The following DNAH12 variants were observed in gnomAD, a reference collection of about 807,000 sequenced individuals.
The protein encoded by DNAH12 is dynein axonemal heavy chain 12.
Under a neutral mutation model 371.5 loss-of-function variants are expected in DNAH12, and 285 were observed. That is an observed-to-expected ratio of 0.77 (90% CI 0.70 to 0.85). DNAH12 has a LOEUF of 0.85. DNAH12 is among the 40% of genes least tolerant of loss of function. DNAH12 has a pLI of 0.00. For synonymous variants in DNAH12, 1,200 were observed against 1,213.0 expected, an observed-to-expected ratio of 0.99 and a Z score of 0.22; for missense variants, 3,611 against 3,689.4, an observed-to-expected ratio of 0.98 and a Z score of 0.55.
Position 57,446,709 on chromosome 3 carries a change from T to C in DNAH12, c.3787-20A>G. ...ACCTATCTGAAATGAAAAACACATG[T>C]GAAAAGAAATCCATGCTTAAATTTA... On this transcript the variant is annotated intron_variant, in intron 25 of 73. Transcript: ENST00000495027. 6.8e-7 allele frequency: 1 copy of C among 1,471,788 alleles called. No homozygotes were observed. The highest frequency in any genetic ancestry group is 9.0e-7 in the Non-Finnish European group (1 of 1,105,160). 91.2% of individuals were successfully genotyped at this position (1,471,788 alleles called of 1,614,324 possible).
chr3:57,513,264 G>T (rs1369679050), intron 4 of DNAH12, among the ~76,000 whole-genome samples: 1 of 152,054 alleles, frequency 6.6e-6, no homozygotes, highest in Non-Finnish European at 1.5e-5. Flanking sequence ...AACTAACATA[G>T]AAATGGAAAA....
chr3:57,399,813 T>C (rs1422210060), intron 43 of DNAH12, among the ~76,000 whole-genome samples: 3 of 152,222 alleles, frequency 2.0e-5, no homozygotes, highest in Non-Finnish European at 4.4e-5. Context: ...TAATGAATAG[T>C]CAATATATGT....
At chr3:57,350,682 CA>C (rs1385994358) in intron 60 of DNAH12, among the ~76,000 whole-genome samples, 2 of 152,218 alleles carry the variant, frequency 1.3e-5, no homozygotes, top group African/African-American at 4.8e-5. Flanking sequence ...TTGTGCTCAG[CA>C]AAAGGCAGCA....
intron 11 of DNAH12, among the ~76,000 whole-genome samples, chr3:57,492,292 C>A (rs544783556): frequency 6.6e-6 from 1 of 152,138 alleles, no homozygotes; most frequent in East Asian, 1.9e-4. Context: ...GCAACCGTGT[C>A]TCTACTAAAA....
At chr3:57,433,174 C>CAAA (rs11395980) in intron 32 of DNAH12, among the ~76,000 whole-genome samples, 193 bp downstream of exon 32, 75 of 142,506 alleles carry the variant, frequency 5.3e-4, no homozygotes, top group African/African-American at 1.8e-3. Context: ...TTTCATTCTA[C>CAAA]AAAAAAAAAA....
intron 13 of DNAH12, among the ~76,000 whole-genome samples, chr3:57,474,974 C>CA (rs34435525): frequency 3.8e-4 from 55 of 146,558 alleles, no homozygotes; most frequent in East Asian, 6.2e-4. Flanking sequence ...GACTCTTTCT[C>CA]AAAAAAAAAA....
intron 37 of DNAH12, among the ~76,000 whole-genome samples, chr3:57,418,223 A>G (rs1000771434): frequency 1.3e-5 from 2 of 151,816 alleles, no homozygotes; most frequent in Non-Finnish European, 2.9e-5. Context: ...GTACTTATTT[A>G]AAAGTATTAT....
intron 60 of DNAH12, among the ~76,000 whole-genome samples, chr3:57,345,162 ATT>A: frequency 6.6e-6 from 1 of 152,310 alleles, no homozygotes; most frequent in Non-Finnish European, 1.5e-5. Flanking sequence ...AATACTGTAA[ATT>A]TACATAATCT....
chr3:57,516,279 G>T (rs1254659035), intron 4 of DNAH12, among the ~76,000 whole-genome samples: 2 of 151,206 alleles, frequency 1.3e-5, no homozygotes, highest in African/African-American at 4.9e-5. Context: ...GGTCAGGCTG[G>T]TCTCGAACTC....
intron 60 of DNAH12, among the ~76,000 whole-genome samples, chr3:57,336,556 C>G (rs979417381): frequency 2.0e-5 from 3 of 151,984 alleles, no homozygotes; most frequent in African/African-American, 7.3e-5. Context: ...AGATTCATTA[C>G]AAGTAGACCT....
intron 13 of DNAH12, among the ~76,000 whole-genome samples, 190 bp downstream of exon 13, chr3:57,483,186 G>C (rs979919844): frequency 6.6e-6 from 1 of 151,900 alleles, no homozygotes; most frequent in Admixed American, 6.6e-5. Context: ...AGAAGGAGAG[G>C]CATGGCGATC....
intron 70 of DNAH12, among the ~76,000 whole-genome samples, chr3:57,301,476 A>G (rs777981977): frequency 3.3e-5 from 5 of 151,774 alleles, no homozygotes; most frequent in African/African-American, 4.8e-5. Flanking sequence ...TATAATTTTA[A>G]TTTTCCACTC....
chr3:57,396,164 G>C (rs2063731791), intron 43 of DNAH12, among the ~76,000 whole-genome samples: 1 of 150,832 alleles, frequency 6.6e-6, no homozygotes, highest in Admixed American at 6.6e-5. Context: ...TGTAATCCCA[G>C]CTACTTGGGA....
intron 1 of DNAH12, among the ~76,000 whole-genome samples, chr3:57,543,914 G>A (rs1193768127): frequency 6.6e-6 from 1 of 151,972 alleles, no homozygotes; most frequent in African/African-American, 2.4e-5. Context: ...GGGCGTGGTG[G>A]CAGGCGCCTG....
chr3:57,393,625 C>CAAAAAAAAAAAAAAAAAAAAA (rs1180952196), intron 44 of DNAH12, among the ~76,000 whole-genome samples: 10 of 64,272 alleles, frequency 1.6e-4, no homozygotes, highest in South Asian at 6.6e-4. Flanking sequence ...GACTCTGTCT[C>CAAAAAAAAAAAAAAAAAAAAA]AAAAAAAAAA....
At chr3:57,472,501 T>G in intron 14 of DNAH12, 45 bp downstream of exon 14, 4 of 1,523,922 alleles carry the variant, frequency 2.6e-6, no homozygotes, top group Non-Finnish European at 2.6e-6. Context: ...AATGATGTGC[T>G]TGAAATGTCA....
intron 19 of DNAH12, among the ~76,000 whole-genome samples, chr3:57,460,479 G>T (rs1204849028): frequency 6.6e-6 from 1 of 152,108 alleles, no homozygotes. Context: ...AGGTCTATGT[G>T]TCAAGAGATT....
chr3:57,467,713 T>C (rs749970785), intron 17 of DNAH12, among the ~76,000 whole-genome samples: 2 of 152,184 alleles, frequency 1.3e-5, no homozygotes, highest in Non-Finnish European at 1.5e-5. Context: ...CTAATAGGTC[T>C]GAGCAATCTT....
intron 60 of DNAH12, among the ~76,000 whole-genome samples, chr3:57,343,898 A>C (rs189740492): frequency 6.6e-6 from 1 of 152,218 alleles, no homozygotes; most frequent in Non-Finnish European, 1.5e-5. Context: ...ATACACGTCT[A>C]GGCATAGTAT....
Sources: allele counts gnomAD v4.1 joint callset (sites outside exome capture counted in the v4.1 genomes callset), GRCh38; gene constraint gnomAD v4.1.1; transcripts MANE v1.5; gene names NCBI Gene and HGNC (gene_info 2026-07-23, HGNC 2026-07-21).